FAF1: variants seen among roughly 807,000 people sequenced by gnomAD.
The protein encoded by FAF1 is Fas associated factor 1.
A neutral mutation model predicts 92.5 loss-of-function variants in FAF1; 25 were observed. The observed-to-expected ratio is 0.27, with a 90% CI of 0.20 to 0.38. The LOEUF (loss-of-function observed/expected upper bound fraction) is 0.38, where lower values mean the gene tolerates loss of function less well. Ranked by LOEUF, FAF1 falls within the 10% of genes least tolerant of loss-of-function variation. The pLI is 1.00. For synonymous variants in FAF1, 234 were observed against 273.2 expected, an observed-to-expected ratio of 0.86 and a Z score of 1.42; for missense variants, 636 against 793.3, an observed-to-expected ratio of 0.80 and a Z score of 2.38.
intron 9 of FAF1, among the ~76,000 whole-genome samples, chr1:50,587,262 T>G (rs1030745077): frequency 3.3e-5 from 5 of 152,228 alleles, no homozygotes; most frequent in African/African-American, 1.2e-4. Flanking sequence ...ATTATTCGTT[T>G]TCCCTTCACA....
chr1:50,880,625 GAAATGATATCATGTGAA>G (rs1372668843), intron 1 of FAF1, among the ~76,000 whole-genome samples: 6 of 152,208 alleles, frequency 3.9e-5, no homozygotes, highest in Admixed American at 2.0e-4. Flanking sequence ...GCCTTCGCTA[GAAATGATATCATGTGAA>G]ACATTGATCG....
intron 1 of FAF1, among the ~76,000 whole-genome samples, chr1:50,946,193 C>T (rs1357084989): frequency 6.6e-6 from 1 of 152,224 alleles, no homozygotes; most frequent in African/African-American, 2.4e-5. Context: ...AGTGTAGGTA[C>T]ACATACATCT....
intron 7 of FAF1, among the ~76,000 whole-genome samples, chr1:50,659,906 A>C (rs992340914): frequency 1.3e-5 from 2 of 151,754 alleles, no homozygotes; most frequent in African/African-American, 4.8e-5. Context: ...GTATAGAATT[A>C]ATATGGTACT....
Position 50,462,569 on chromosome 1 carries a change from C to T in FAF1, c.1869+12895G>A, listed in dbSNP as rs540304386. Among the ~76,000 whole-genome samples, 4 of 152,292 alleles carry T rather than the reference C, an allele frequency of 2.6e-5. No individual in the cohort carries two copies. The South Asian group carries it at 8.3e-4, about 32-fold the overall frequency. ...GTAGCCAATTTGAAGAAAGTATTCT[C>T]CCTAGGCAGTGTGGGAAAGTGGCTG... On this transcript the variant is annotated intron_variant, in intron 18 of 18. Transcript: ENST00000396153.
intron 9 of FAF1, among the ~76,000 whole-genome samples, chr1:50,586,866 GTAAAGGCTCAAGA>G (rs1651259547): frequency 6.6e-6 from 1 of 152,160 alleles, no homozygotes; most frequent in Non-Finnish European, 1.5e-5. Flanking sequence ...TCTTAAATAG[GTAAAGGCTCAAGA>G]TTTACAAGAT....
chr1:50,553,893 G>C (rs1028224398), intron 13 of FAF1, among the ~76,000 whole-genome samples: 4 of 151,658 alleles, frequency 2.6e-5, no homozygotes, highest in South Asian at 2.1e-4. Flanking sequence ...CCAGTTTTCA[G>C]AGCAGCTAAA....
intron 8 of FAF1, among the ~76,000 whole-genome samples, chr1:50,652,049 C>T (rs1011089984): frequency 6.6e-6 from 1 of 152,170 alleles, no homozygotes; most frequent in African/African-American, 2.4e-5. Context: ...CAAGGCAACA[C>T]CCTGCCAATG....
At chr1:50,539,227 C>T (rs994990043) in intron 14 of FAF1, among the ~76,000 whole-genome samples, 1 of 152,150 alleles carries the variant, frequency 6.6e-6, no homozygotes, top group Non-Finnish European at 1.5e-5. Flanking sequence ...TTCTAGATAA[C>T]TAAAGATAAG....
intron 4 of FAF1, among the ~76,000 whole-genome samples, chr1:50,750,040 C>CA (rs1659792776): frequency 6.6e-6 from 1 of 152,062 alleles, no homozygotes; most frequent in Admixed American, 6.6e-5. Context: ...TATAGGTTCT[C>CA]AAAACACAGG....
chr1:50,539,107 A>T (rs988217315), intron 14 of FAF1, among the ~76,000 whole-genome samples: 1 of 152,246 alleles, frequency 6.6e-6, no homozygotes, highest in Non-Finnish European at 1.5e-5. Flanking sequence ...ATTCACAGGC[A>T]TCCCACAGCT....
chr1:50,545,173 A>G (rs973551266), intron 13 of FAF1, among the ~76,000 whole-genome samples: 1 of 152,340 alleles, frequency 6.6e-6, no homozygotes, highest in East Asian at 1.9e-4. Flanking sequence ...GTAAAAGATC[A>G]ACAAAAAATA....
chr1:50,956,418 A>G (rs1281203207), intron 1 of FAF1, among the ~76,000 whole-genome samples: 1 of 152,266 alleles, frequency 6.6e-6, no homozygotes, highest in Non-Finnish European at 1.5e-5. Context: ...TAGACACAGT[A>G]TCTAGCAATG....
intron 5 of FAF1, among the ~76,000 whole-genome samples, chr1:50,743,223 T>A (rs1277104674): frequency 6.6e-6 from 1 of 152,184 alleles, no homozygotes; most frequent in Non-Finnish European, 1.5e-5. Flanking sequence ...ATCTCCAAAT[T>A]TCAAATGAAC....
At chr1:50,551,499 C>T (rs1649308627) in intron 13 of FAF1, among the ~76,000 whole-genome samples, 1 of 152,098 alleles carries the variant, frequency 6.6e-6, no homozygotes, top group Admixed American at 6.6e-5. Flanking sequence ...AATGTACAGA[C>T]CAGTAAACTT....
chr1:50,687,318 A>C (rs1656708151), intron 7 of FAF1, among the ~76,000 whole-genome samples: 1 of 151,250 alleles, frequency 6.6e-6, no homozygotes, highest in South Asian at 2.1e-4. Flanking sequence ...ACAAAGTCAT[A>C]CAACCACCTT....
chr1:50,872,009 G>A (rs1373764261), intron 1 of FAF1, among the ~76,000 whole-genome samples: 3 of 147,312 alleles, frequency 2.0e-5, no homozygotes, highest in Non-Finnish European at 1.5e-5. Context: ...AGGTTGCAGT[G>A]AGCCGAGATT....
chr1:50,872,101 C>T (rs1486122837), intron 1 of FAF1, among the ~76,000 whole-genome samples: 3 of 151,122 alleles, frequency 2.0e-5, no homozygotes, highest in Non-Finnish European at 4.4e-5. Context: ...AAATACATTT[C>T]ATAAAGCTAT....
intron 1 of FAF1, among the ~76,000 whole-genome samples, chr1:50,943,979 C>G (rs1570170396): frequency 6.6e-6 from 1 of 152,186 alleles, no homozygotes; most frequent in East Asian, 1.9e-4. Context: ...CCACTCAGTT[C>G]AGTTCAGAAC....
intron 8 of FAF1, among the ~76,000 whole-genome samples, chr1:50,618,414 G>GTTTTTTTTTTTTTTTTTTTTTT (rs540421778): frequency 8.9e-6 from 1 of 111,884 alleles, no homozygotes; most frequent in Non-Finnish European, 1.8e-5. Flanking sequence ...AGTTTTTAGA[G>GTTTTTTTTTTTTTTTTTTTTTT]TTTTTTTTTT....
Sources: allele counts gnomAD v4.1 joint callset (sites outside exome capture counted in the v4.1 genomes callset), GRCh38; gene constraint gnomAD v4.1.1; transcripts MANE v1.5; gene names NCBI Gene and HGNC (gene_info 2026-07-23, HGNC 2026-07-21).